Variants in SULF2 observed in about 807,000 individuals in gnomAD.
The protein encoded by SULF2 is extracellular sulfatase Sulf-2.
Under a neutral mutation model 107.7 loss-of-function variants are expected in SULF2, and 52 were observed. The ratio of observed to expected loss-of-function variants is 0.48; its 90% CI spans 0.39 to 0.61. The LOEUF (loss-of-function observed/expected upper bound fraction) is 0.61, where lower values mean the gene tolerates loss of function less well. Ranked by LOEUF, SULF2 falls within the 20% of genes least tolerant of loss-of-function variation. The pLI, the probability that SULF2 is intolerant of heterozygous loss-of-function variation, is 0.00. For missense variants in SULF2, 993 were observed against 1,177.3 expected (o/e 0.84, Z 2.29); for synonymous variants, 460 against 464.3 (o/e 0.99, Z 0.12).
At chr20:47,692,855 A>G (rs1027694007) in intron 4 of SULF2, among the ~76,000 whole-genome samples, 3 of 152,240 alleles carry the variant, frequency 2.0e-5, no homozygotes, top group African/African-American at 7.2e-5. Flanking sequence ...GTTAAGGGTA[A>G]GAGCAAGCAA....
rs1568782333 is a variant in SULF2, at chr20:47,665,252, G to A, written c.1944C>T (p.Val648=). Reference sequence around the variant, plus strand: ...GCCGCTTTTTCTTCAGGTGACCTCGGACTTCCCTCAGGTTCTTAATTTTGT... The same window carrying A: ...GCCGCTTTTTCTTCAGGTGACCTCGAACTTCCCTCAGGTTCTTAATTTTGT... ...LQNKIKNLRE[V]RGHLKKKRPE... is the part of the protein sequence containing the mutation. The change falls in exon 14 of 21, where the codon GTC becomes GTT. Residue 648 remains valine, a synonymous_variant. Coordinates refer to ENST00000688720, the MANE Select transcript of SULF2 (RefSeq NM_001387048.1). The A allele has an allele frequency of 6.2e-7, 1 of 1,613,960 alleles. No individual in the cohort carries two copies. Among genetic ancestry groups the A allele is most frequent in the Non-Finnish European group, 8.5e-7 (1 of 1,179,972 alleles).
intron 4 of SULF2, among the ~76,000 whole-genome samples, chr20:47,695,849 G>A (rs188000603): frequency 6.8e-4 from 103 of 152,346 alleles, no homozygotes; most frequent in African/African-American, 2.3e-3. Context: ...CTGGCCTCAA[G>A]TGATCCGCCT....
At chr20:47,730,074 G>A (rs931297724) in intron 3 of SULF2, among the ~76,000 whole-genome samples, 1 of 152,178 alleles carries the variant, frequency 6.6e-6, no homozygotes, top group Non-Finnish European at 1.5e-5. Flanking sequence ...GGTGAGGGTA[G>A]CTGCCCAAGG....
chr20:47,681,960 C>A (rs1379467235), intron 7 of SULF2, among the ~76,000 whole-genome samples: 1 of 152,006 alleles, frequency 6.6e-6, no homozygotes, highest in Non-Finnish European at 1.5e-5. Flanking sequence ...GCTGGGATTA[C>A]AGGCATGAGC....
chr20:47,675,025 C>G (rs1221552194), intron 10 of SULF2, among the ~76,000 whole-genome samples: 1 of 152,208 alleles, frequency 6.6e-6, no homozygotes, highest in Non-Finnish European at 1.5e-5. Context: ...CAGTGGTGTG[C>G]TCTGATTGTT....
At position 47,659,707 on chromosome 20, in the gene SULF2, C is replaced by T. The variant is rs2087004922; in HGVS notation, c.2518G>A (p.Glu840Lys). Residue 840 changes from glutamate to lysine, a missense_variant, in exon 19 of 21, where the codon GAG becomes AAG. Glu to Lys is a moderately conservative substitution (Grantham distance 56). Transcript: ENST00000688720. ...AATAAAACGAAATACCTGTATTGCTCATAGCTTCCTCCATCTTTAAGTCCT... is the reference window on the plus strand; with the variant it reads ...AATAAAACGAAATACCTGTATTGCTTATAGCTTCCTCCATCTTTAAGTCCT... ...DLGLKDGGSYEQYRQFQRRKW... is the reference protein window; with the variant it reads ...DLGLKDGGSYKQYRQFQRRKW... The T allele has an allele frequency of 6.2e-7, 1 of 1,613,144 alleles. No individual in the cohort carries two copies. The highest frequency in any genetic ancestry group is 1.1e-5 in the South Asian group (1 of 90,992).
At chr20:47,691,507 G>GT (rs2088195977) in intron 4 of SULF2, among the ~76,000 whole-genome samples, 2 of 152,260 alleles carry the variant, frequency 1.3e-5, no homozygotes, top group African/African-American at 4.8e-5. Flanking sequence ...TTTGGCCCAG[G>GT]TATCAGACTT....
intron 1 of SULF2, among the ~76,000 whole-genome samples, chr20:47,782,395 C>T (rs2090848671): frequency 6.6e-6 from 1 of 152,218 alleles, no homozygotes; most frequent in South Asian, 2.1e-4. Flanking sequence ...TTCAATCCGG[C>T]TGGGCCAGGG....
chr20:47,675,472 G>A (rs960607713), intron 10 of SULF2, among the ~76,000 whole-genome samples: 11 of 152,220 alleles, frequency 7.2e-5, no homozygotes, highest in African/African-American at 2.7e-4. Context: ...CACACTGGGT[G>A]GGGAGGCACA....
intron 3 of SULF2, among the ~76,000 whole-genome samples, chr20:47,735,402 A>C (rs780329734): frequency 2.0e-5 from 3 of 152,228 alleles, no homozygotes; most frequent in Non-Finnish European, 2.9e-5. Flanking sequence ...TCAGACTTTA[A>C]AACATTTCAA....
chr20:47,758,763 CAA>C (rs1311363166), intron 1 of SULF2, among the ~76,000 whole-genome samples: 3 of 152,082 alleles, frequency 2.0e-5, no homozygotes, highest in Non-Finnish European at 2.9e-5. Flanking sequence ...TTATTTAAAA[CAA>C]GAGAGCATGA....
intron 3 of SULF2, among the ~76,000 whole-genome samples, chr20:47,715,093 A>ATT (rs869126418): frequency 1.2e-3 from 152 of 128,998 alleles, no homozygotes; most frequent in Middle Eastern, 4.2e-3. Context: ...TAACTTTTGT[A>ATT]TTTTTTTTTT....
chr20:47,695,231 T>G (rs1473263896), intron 4 of SULF2, among the ~76,000 whole-genome samples: 2 of 152,228 alleles, frequency 1.3e-5, no homozygotes, highest in African/African-American at 4.8e-5. Flanking sequence ...TGGATGCAGT[T>G]TTAATTTCAT....
chr20:47,768,357 G>A (rs113767218), intron 1 of SULF2, among the ~76,000 whole-genome samples: 2,942 of 152,344 alleles, frequency 0.019, 48 homozygotes, highest in South Asian at 0.039. Flanking sequence ...ACTAGTTTCT[G>A]TTTTCTTTGT....
intron 10 of SULF2, among the ~76,000 whole-genome samples, chr20:47,675,317 G>T (rs1426312355): frequency 2.0e-5 from 3 of 152,178 alleles, no homozygotes; most frequent in African/African-American, 7.2e-5. Flanking sequence ...CATGTTCGAG[G>T]CTGTGGCCCT....
At chr20:47,766,949 G>GAA (rs11412080) in intron 1 of SULF2, among the ~76,000 whole-genome samples, 59 of 140,290 alleles carry the variant, frequency 4.2e-4, no homozygotes, top group South Asian at 8.7e-4. Context: ...ATGATCAGTA[G>GAA]AAAAAAAAAA....
chr20:47,712,089 A>T (rs912815176), intron 3 of SULF2, among the ~76,000 whole-genome samples: 9 of 152,226 alleles, frequency 5.9e-5, no homozygotes, highest in Non-Finnish European at 1.3e-4. Context: ...ATCCCAAAAA[A>T]GACAGAAATG....
rs146110947 is a variant in SULF2, at chr20:47,747,081, C to CAGCTGG, written c.175+10107_175+10108insCCAGCT. ...TCACCTAGTATAGATGTGCTCACTGCTGCTGGTGGCAACTCTTGCTGTGCC... is the reference window on the plus strand; with the variant it reads ...TCACCTAGTATAGATGTGCTCACTGCAGCTGGTGCTGGTGGCAACTCTTGCTGTGCC... On this transcript the variant is annotated intron_variant, in intron 2 of 20. Transcript: ENST00000688720. Among the ~76,000 whole-genome samples, 631 of 150,400 alleles carry CAGCTGG rather than the reference C, an allele frequency of 4.2e-3. 17 individuals carry two copies. In the South Asian group the frequency reaches 0.063, roughly 15 times the overall value.
At chr20:47,663,327 G>A (rs543350058) in intron 16 of SULF2, 115 bp from the exon 17 acceptor site, 3 of 1,577,214 alleles carry the variant, frequency 1.9e-6, no homozygotes, top group East Asian at 2.2e-5. Context: ...CCAAGAGGCT[G>A]TCCCGAGCAC....
Sources: allele counts gnomAD v4.1 joint callset (sites outside exome capture counted in the v4.1 genomes callset), GRCh38; gene constraint gnomAD v4.1.1; transcripts MANE v1.5; gene names NCBI Gene and HGNC (gene_info 2026-07-23, HGNC 2026-07-21).